CEP126: variants seen among roughly 807,000 people sequenced by gnomAD.
CEP126 encodes centrosomal protein 126.
In CEP126, 74 loss-of-function variants were observed where a neutral mutation model predicts 107.8. The observed-to-expected ratio is 0.69, with a 90% confidence interval of 0.57 to 0.83. The LOEUF (loss-of-function observed/expected upper bound fraction) is 0.83, where lower values mean the gene tolerates loss of function less well. Ranked by LOEUF, CEP126 falls within the 40% of genes least tolerant of loss-of-function variation. CEP126 has a pLI of 0.00. For missense variants in CEP126, 1,237 were observed against 1,281.9 expected (o/e 0.96, Z 0.53); for synonymous variants, 449 against 446.0 (o/e 1.01, Z -0.08).
chr11:101,979,778 T>C (rs1334737388), intron 7 of CEP126, among the ~76,000 whole-genome samples: 4 of 152,004 alleles, frequency 2.6e-5, no homozygotes, highest in Non-Finnish European at 5.9e-5. Context: ...TTAAAATAAA[T>C]GGAGGTAATT....
chr11:101,962,615 T>C lies in CEP126; in HGVS notation c.1580T>C (p.Ile527Thr), dbSNP rs201177689. 8 of 1,613,710 alleles carry C rather than the reference T, an allele frequency of 5.0e-6. No homozygotes were observed. In the East Asian group the frequency reaches 1.3e-4, roughly 27 times the overall value. ...TCAGACAGTTTTCAAGATGCCTATA[T>C]ACCTCACAATCCTGATTCAAAAGAT... Reference protein sequence around the residue: ...LFSDSFQDAYIPHNPDSKDEK... With the variant: ...LFSDSFQDAYTPHNPDSKDEK... Residue 527 changes from isoleucine to threonine, a missense_variant, in exon 6 of 11, where the codon ATA becomes ACA. Ile to Thr is a moderately conservative substitution (Grantham distance 89). Around this residue, in one of 3 missense-constraint regions of CEP126, gnomAD observed 1,134 missense variants for 1,150.5 expected, o/e 0.99. Transcript: ENST00000263468.
chr11:101,966,550 C>T (rs141762442), intron 6 of CEP126, among the ~76,000 whole-genome samples: 899 of 152,240 alleles, frequency 5.9e-3, no homozygotes, highest in Middle Eastern at 0.014. Flanking sequence ...CAGTTATTTC[C>T]CCCCTAAAAG....
At chr11:101,979,902 C>T (rs1343626869) in intron 7 of CEP126, among the ~76,000 whole-genome samples, 1 of 152,092 alleles carries the variant, frequency 6.6e-6, no homozygotes, top group African/African-American at 2.4e-5. Flanking sequence ...TAGCATTTCA[C>T]TTGGAATTTC....
At chr11:101,978,263 G>C (rs1398165313) in intron 6 of CEP126, 84 bp from the exon 7 acceptor site, 2 of 830,834 alleles carry the variant, frequency 2.4e-6, no homozygotes, top group East Asian at 4.9e-5. Flanking sequence ...CTTGATATTT[G>C]AAAGTAACTT....
At chr11:101,969,644 T>A (rs952019248) in intron 6 of CEP126, among the ~76,000 whole-genome samples, 15 of 152,200 alleles carry the variant, frequency 9.9e-5, no homozygotes, top group Admixed American at 9.2e-4. Flanking sequence ...AATATTTATA[T>A]GGAAATGCAA....
chr11:101,982,249 G>A (rs1941265003), intron 8 of CEP126, among the ~76,000 whole-genome samples: 2 of 152,090 alleles, frequency 1.3e-5, no homozygotes, highest in Admixed American at 6.6e-5. Context: ...ATGCCACCCA[G>A]TAAATATTTA....
chr11:101,925,844 G>A (rs999604543), intron 2 of CEP126, among the ~76,000 whole-genome samples: 9 of 145,078 alleles, frequency 6.2e-5, no homozygotes, highest in East Asian at 2.1e-4. Flanking sequence ...TAGTAAAGAC[G>A]GGGTTTCGCC....
chr11:101,933,464 C>T (rs1484666439), intron 2 of CEP126, among the ~76,000 whole-genome samples: 1 of 152,092 alleles, frequency 6.6e-6, no homozygotes, highest in African/African-American at 2.4e-5. Context: ...AGTTATGTGG[C>T]CTTGCACAAG....
intron 3 of CEP126, among the ~76,000 whole-genome samples, chr11:101,945,440 C>A (rs1011620921): frequency 8.5e-5 from 13 of 152,072 alleles, no homozygotes; most frequent in Non-Finnish European, 1.0e-4. Flanking sequence ...GGAATTTCAT[C>A]TTTATGCAAA....
At chr11:101,936,790 C>T (rs1940587250) in intron 2 of CEP126, among the ~76,000 whole-genome samples, 1 of 152,166 alleles carries the variant, frequency 6.6e-6, no homozygotes, top group Admixed American at 6.5e-5. Flanking sequence ...CTGTCAAATA[C>T]TTTTTCTACA....
chr11:101,958,721 C>G (rs532042816), intron 5 of CEP126, among the ~76,000 whole-genome samples: 1 of 152,278 alleles, frequency 6.6e-6, no homozygotes, highest in South Asian at 2.1e-4. Context: ...TTTTCCACAA[C>G]TGAATACAGA....
chr11:101,956,125 G>C (rs1339275950), intron 4 of CEP126: 3 of 456,452 alleles, frequency 6.6e-6, no homozygotes, highest in African/African-American at 6.0e-5. Flanking sequence ...ACGCACCCCA[G>C]AGTTCTCCAA....
intron 10 of CEP126, among the ~76,000 whole-genome samples, chr11:101,995,965 C>T (rs1262528699): frequency 6.6e-6 from 1 of 152,200 alleles, no homozygotes; most frequent in Non-Finnish European, 1.5e-5. Flanking sequence ...CTAGGATTCA[C>T]ATTTCTCAGT....
At chr11:101,943,717 G>A (rs1940698156) in intron 2 of CEP126, among the ~76,000 whole-genome samples, 1 of 151,994 alleles carries the variant, frequency 6.6e-6, no homozygotes, top group East Asian at 1.9e-4. Context: ...AGCTATGTGT[G>A]ATTAAGAATC....
intron 10 of CEP126, among the ~76,000 whole-genome samples, chr11:101,993,895 T>C (rs189423054): frequency 7.7e-4 from 118 of 152,344 alleles, no homozygotes; most frequent in Non-Finnish European, 1.0e-3. Context: ...CACTTTTTAA[T>C]GGGGTTGTTT....
rs1940267413 is a variant in CEP126, at chr11:101,918,326, T to A, written c.128+2914T>A. Among the ~76,000 whole-genome samples, 2 of 152,236 alleles carry A rather than the reference T, an allele frequency of 1.3e-5. 1 individual carries two copies. Among genetic ancestry groups the A allele is most frequent in the Admixed American group, 1.3e-4 (2 of 15,282 alleles). ...AGCTGTGTGTTGTGGTGCATGCTTG[T>A]AGTACCATCTACTTAAGAGGCTGAG... is the stretch of plus-strand genomic sequence containing the variant. On this transcript the variant is annotated intron_variant, in intron 1 of 10. Coordinates refer to ENST00000263468, the MANE Select transcript of CEP126 (RefSeq NM_020802.4).
intron 3 of CEP126, among the ~76,000 whole-genome samples, chr11:101,946,283 A>G (rs1337602050): frequency 2.6e-5 from 4 of 152,026 alleles, no homozygotes; most frequent in Non-Finnish European, 4.4e-5. Context: ...AGGCAGGTGG[A>G]TGGTTTAAGA....
chr11:101,932,547 CA>C (rs1940516383), intron 2 of CEP126, among the ~76,000 whole-genome samples: 1 of 152,098 alleles, frequency 6.6e-6, no homozygotes, highest in Admixed American at 6.6e-5. Context: ...TCATCATTGC[CA>C]AATATTGCTG....
At chr11:101,985,988 ATTTCTTTTTT>A (rs1348766095) in intron 8 of CEP126, among the ~76,000 whole-genome samples, 64 of 126,480 alleles carry the variant, frequency 5.1e-4, no homozygotes, top group African/African-American at 1.6e-3. Context: ...CTCTGAATTG[ATTTCTTTTTT>A]TTTTTTTTTT....
Sources: allele counts gnomAD v4.1 joint callset (sites outside exome capture counted in the v4.1 genomes callset), GRCh38; gene constraint gnomAD v4.1.1; regional missense constraint gnomAD v4.1.1; transcripts MANE v1.5; gene names NCBI Gene and HGNC (gene_info 2026-07-23, HGNC 2026-07-21).